PDE1C: variants seen among roughly 807,000 people sequenced by gnomAD.
PDE1C encodes the protein dual specificity calcium/calmodulin-dependent 3',5'-cyclic nucleotide phosphodiesterase 1C.
Under a neutral mutation model 93.1 loss-of-function variants are expected in PDE1C, and 62 were observed. The ratio of observed to expected loss-of-function variants is 0.67; its 90% confidence interval spans 0.54 to 0.82. The LOEUF is 0.82. Among genes scored for constraint, PDE1C ranks in the 40% least tolerant of loss-of-function variants. The pLI is 0.00. For synonymous variants in PDE1C, 325 were observed against 310.1 expected (o/e 1.05, Z -0.50); for missense variants, 742 against 884.6 (o/e 0.84, Z 2.04).
At chr7:32,195,765 T>C (rs1804568630) in intron 2 of PDE1C, among the ~76,000 whole-genome samples, 1 of 152,202 alleles carries the variant, frequency 6.6e-6, no homozygotes, top group Non-Finnish European at 1.5e-5. Context: ...TTGAACTGAC[T>C]TTCTATGGCA....
intron 17 of PDE1C, among the ~76,000 whole-genome samples, chr7:31,764,645 T>A (rs1373028361): frequency 1.3e-5 from 2 of 152,188 alleles, no homozygotes; most frequent in Non-Finnish European, 2.9e-5. Flanking sequence ...ATGGTAATTA[T>A]TTGAGTCACT....
chr7:31,664,341 G>T, the PDE1C span, among the ~76,000 whole-genome samples: 1 of 152,116 alleles, frequency 6.6e-6, no homozygotes, highest in East Asian at 1.9e-4. Flanking sequence ...TATTGGGCAG[G>T]TGTTTGTTTA....
intron 14 of PDE1C, among the ~76,000 whole-genome samples, chr7:31,822,694 G>A (rs1789123855): frequency 6.6e-6 from 1 of 152,150 alleles, no homozygotes; most frequent in Non-Finnish European, 1.5e-5. Flanking sequence ...AAGGCAAGGT[G>A]GCTATTAGCG....
At chr7:32,226,172 C>A (rs1807253023) in intron 1 of PDE1C, among the ~76,000 whole-genome samples, 1 of 152,154 alleles carries the variant, frequency 6.6e-6, no homozygotes, top group Non-Finnish European at 1.5e-5. Flanking sequence ...GTTTTACAGT[C>A]CCAGGGCCTG....
At chr7:32,027,864 C>A (rs1224631121) in intron 2 of PDE1C, among the ~76,000 whole-genome samples, 3 of 151,890 alleles carry the variant, frequency 2.0e-5, no homozygotes, top group Non-Finnish European at 1.5e-5. Flanking sequence ...ATGTAGCAAG[C>A]CTTACACTGA....
chr7:31,776,631 T>TA (rs1782990888), intron 16 of PDE1C, among the ~76,000 whole-genome samples: 2 of 152,082 alleles, frequency 1.3e-5, no homozygotes, highest in African/African-American at 4.8e-5. Flanking sequence ...TACGTATAAA[T>TA]ATATACACAC....
At chr7:32,110,005 G>A (rs1053093462) in intron 3 of PDE1C, among the ~76,000 whole-genome samples, 17 of 152,132 alleles carry the variant, frequency 1.1e-4, no homozygotes, top group African/African-American at 4.1e-4. Flanking sequence ...TGAAAGAGAT[G>A]ATTTTTTAAA....
At chr7:32,338,398 T>C (rs1783672125) in intron 1 of PDE1C, among the ~76,000 whole-genome samples, 2 of 152,108 alleles carry the variant, frequency 1.3e-5, no homozygotes, top group African/African-American at 4.8e-5. Context: ...ATTAGGAATA[T>C]GCAAATCAAA....
At chr7:32,116,532 T>A (rs985242212) in intron 3 of PDE1C, among the ~76,000 whole-genome samples, 1 of 152,168 alleles carries the variant, frequency 6.6e-6, no homozygotes, top group African/African-American at 2.4e-5. Context: ...GGCCTGCTCA[T>A]AATAGGTGCA....
intron 1 of PDE1C, among the ~76,000 whole-genome samples, chr7:32,417,639 T>A (rs554770560): frequency 4.1e-5 from 6 of 146,440 alleles, no homozygotes; most frequent in Non-Finnish European, 7.5e-5. Context: ...AAAAGTTCTA[T>A]TTTTTTTTTG....
intron 3 of PDE1C, among the ~76,000 whole-genome samples, chr7:32,137,745 A>G (rs150707692): frequency 1.3e-5 from 2 of 152,310 alleles, no homozygotes; most frequent in Non-Finnish European, 2.9e-5. Flanking sequence ...AGCAACATTA[A>G]TAGTGAATAG....
chr7:32,237,038 A>G (rs1808138596), intron 1 of PDE1C, among the ~76,000 whole-genome samples: 1 of 151,878 alleles, frequency 6.6e-6, no homozygotes, highest in South Asian at 2.1e-4. Flanking sequence ...AAAAAAAGTC[A>G]GTCTCAAAAG....
chr7:32,049,337 C>T (rs1793029603), intron 2 of PDE1C, among the ~76,000 whole-genome samples: 1 of 152,160 alleles, frequency 6.6e-6, no homozygotes, highest in South Asian at 2.1e-4. Flanking sequence ...TGCTGCATAT[C>T]AAATTATAAT....
intron 3 of PDE1C, among the ~76,000 whole-genome samples, chr7:32,090,373 AG>A (rs1797403470): frequency 6.6e-6 from 1 of 152,072 alleles, no homozygotes; most frequent in African/African-American, 2.4e-5. Flanking sequence ...CAGCCATCTC[AG>A]GGGTGGTTTT....
intron 2 of PDE1C, among the ~76,000 whole-genome samples, chr7:32,194,028 C>T (rs1804430485): frequency 6.6e-6 from 1 of 151,500 alleles, no homozygotes; most frequent in Non-Finnish European, 1.5e-5. Context: ...CATACTCCTG[C>T]CTCAGCCTCC....
chr7:32,040,341 T>A (rs1791649396), intron 2 of PDE1C, among the ~76,000 whole-genome samples: 1 of 152,244 alleles, frequency 6.6e-6, no homozygotes, highest in Non-Finnish European at 1.5e-5. Flanking sequence ...CTCTAACATT[T>A]TGGATAATCC....
At chr7:31,946,025 T>G (rs916382799) in intron 2 of PDE1C, among the ~76,000 whole-genome samples, 1 of 152,216 alleles carries the variant, frequency 6.6e-6, no homozygotes, top group Admixed American at 6.5e-5. Context: ...CTTTTGATTC[T>G]TTCTCATTTC....
At chr7:31,946,393 C>T (rs920256695) in intron 2 of PDE1C, among the ~76,000 whole-genome samples, 6 of 152,108 alleles carry the variant, frequency 3.9e-5, no homozygotes, top group Non-Finnish European at 8.8e-5. Flanking sequence ...TAAAACCCCT[C>T]GTGGCTTGGA....
At chr7:32,269,260 G>T (rs1810805289) in intron 1 of PDE1C, among the ~76,000 whole-genome samples, 1 of 152,138 alleles carries the variant, frequency 6.6e-6, no homozygotes, top group Non-Finnish European at 1.5e-5. Context: ...GCCAGGGGGG[G>T]TGAGATGCTG....
Sources: allele counts gnomAD v4.1 joint callset (sites outside exome capture counted in the v4.1 genomes callset), GRCh38; gene constraint gnomAD v4.1.1; transcripts MANE v1.5; gene names NCBI Gene and HGNC (gene_info 2026-07-23, HGNC 2026-07-21).